Variants in FNDC3A observed in about 807,000 individuals in gnomAD.
FNDC3A encodes fibronectin type-III domain-containing protein 3A.
FNDC3A carries 32 observed loss-of-function variants against 148.9 expected under a neutral mutation model. The observed-to-expected ratio is 0.21, with a 90% CI of 0.16 to 0.29. The LOEUF (loss-of-function observed/expected upper bound fraction) is 0.29. Ranked by LOEUF, FNDC3A falls within the 10% of genes least tolerant of loss-of-function variation. FNDC3A has a pLI of 1.00. For synonymous variants in FNDC3A, 472 were observed against 473.6 expected (o/e 1.00, Z 0.04); for missense variants, 1,191 against 1,452.8 (o/e 0.82, Z 2.93).
At chr13:49,019,342 G>C (rs1873114113) in intron 2 of FNDC3A, among the ~76,000 whole-genome samples, 1 of 152,240 alleles carries the variant, frequency 6.6e-6, no homozygotes, top group Admixed American at 6.5e-5. Context: ...AGCGCAGTAG[G>C]CGGGTGGGAG....
intron 2 of FNDC3A, among the ~76,000 whole-genome samples, chr13:49,033,872 C>A (rs868421459): frequency 6.6e-6 from 1 of 151,748 alleles, no homozygotes; most frequent in African/African-American, 2.4e-5. Flanking sequence ...AACTATTAAC[C>A]TTTTACCATA....
At chr13:49,111,698 C>T (rs550633664) in intron 3 of FNDC3A, among the ~76,000 whole-genome samples, 6 of 150,444 alleles carry the variant, frequency 4.0e-5, no homozygotes, top group South Asian at 4.2e-4. Context: ...TGCACTCCAG[C>T]CTGGGCAACA....
At chr13:49,019,054 T>G (rs1301134704) in intron 2 of FNDC3A, among the ~76,000 whole-genome samples, 1 of 152,216 alleles carries the variant, frequency 6.6e-6, no homozygotes, top group East Asian at 1.9e-4. Context: ...GCTGTCTTTT[T>G]GTTTGTCTGT....
chr13:49,140,179 A>T (rs747099979), intron 7 of FNDC3A, among the ~76,000 whole-genome samples: 2 of 152,126 alleles, frequency 1.3e-5, no homozygotes, highest in Non-Finnish European at 2.9e-5. Context: ...CAAAAAACAA[A>T]TACAGATACT....
At chr13:49,076,903 C>A (rs1878151578) in intron 3 of FNDC3A, among the ~76,000 whole-genome samples, 1 of 152,220 alleles carries the variant, frequency 6.6e-6, no homozygotes, top group Non-Finnish European at 1.5e-5. Flanking sequence ...GGGACACATA[C>A]CATTTCTTAC....
intron 19 of FNDC3A, among the ~76,000 whole-genome samples, chr13:49,194,951 A>G (rs1886076719): frequency 6.6e-6 from 1 of 152,176 alleles, no homozygotes; most frequent in Admixed American, 6.5e-5. Flanking sequence ...CTTAACATTT[A>G]TAATTATACA....
intron 8 of FNDC3A, among the ~76,000 whole-genome samples, chr13:49,162,096 C>T (rs1227012530): frequency 6.6e-6 from 1 of 152,068 alleles, no homozygotes; most frequent in Non-Finnish European, 1.5e-5. Flanking sequence ...TGGGGTTGCT[C>T]TTCTCAAGGA....
intron 2 of FNDC3A, among the ~76,000 whole-genome samples, chr13:49,062,971 T>A (rs1877000207): frequency 1.3e-5 from 2 of 152,240 alleles, no homozygotes; most frequent in South Asian, 4.1e-4. Context: ...TCTTCATTTG[T>A]ACTTAATATC....
intron 2 of FNDC3A, among the ~76,000 whole-genome samples, chr13:49,068,366 AAAAT>A (rs1354731260): frequency 1.3e-5 from 2 of 151,870 alleles, no homozygotes; most frequent in Admixed American, 1.3e-4. Context: ...CCGTCTATAA[AAAAT>A]AAATTAATTA....
At chr13:48,980,984 A>C (rs1196751489) in intron 1 of FNDC3A, among the ~76,000 whole-genome samples, 1 of 152,184 alleles carries the variant, frequency 6.6e-6, no homozygotes, top group African/African-American at 2.4e-5. Flanking sequence ...AAACAAAATC[A>C]TGAAACTTAA....
upstream of FNDC3A, chr13:48,975,303 T>C (rs767574258): frequency 4.6e-5 from 7 of 152,238 alleles, no homozygotes; most frequent in Non-Finnish European, 7.3e-5. Flanking sequence ...TTGTAAGTCT[T>C]CGTGCTGTTG....
chr13:48,976,547 T>C (rs1354349387), intron 1 of FNDC3A: 2 of 152,052 alleles, frequency 1.3e-5, no homozygotes, highest in African/African-American at 2.4e-5. Context: ...GTCCCCCGCC[T>C]CCTCCCCGCG....
Position 49,017,975 on chromosome 13 carries a change from G to T in FNDC3A, c.99+11686G>T, listed in dbSNP as rs368616434. Among the ~76,000 whole-genome samples the T allele has an allele frequency of 2.4e-3, 361 of 152,250 alleles. 1 individual carries two copies. The highest frequency in any genetic ancestry group is 8.2e-3 in the African/African-American group (340 of 41,530). On this transcript the variant is annotated intron_variant, in intron 2 of 25. Transcript: ENST00000492622. ...AGAGTTTCTGCCGAGAGATCCGCTG[G>T]TAGTCTGATGGGCTTCCCTTTTTGG... is the stretch of plus-strand genomic sequence containing the variant.
intron 2 of FNDC3A, among the ~76,000 whole-genome samples, chr13:49,035,369 G>A (rs1381774801): frequency 6.6e-6 from 1 of 151,874 alleles, no homozygotes; most frequent in African/African-American, 2.4e-5. Context: ...GTGTATATGT[G>A]GGATAATACC....
At chr13:49,021,082 A>T (rs1365745597) in intron 2 of FNDC3A, among the ~76,000 whole-genome samples, 5 of 152,228 alleles carry the variant, frequency 3.3e-5, no homozygotes, top group Non-Finnish European at 7.3e-5. Flanking sequence ...AATGTTAGTA[A>T]TTTCTGATAT....
At chr13:49,060,929 C>T (rs187734036) in intron 2 of FNDC3A, among the ~76,000 whole-genome samples, 8 of 152,064 alleles carry the variant, frequency 5.3e-5, no homozygotes, top group Admixed American at 5.2e-4. Flanking sequence ...GTGATGATTG[C>T]ACAACATTGT....
intron 4 of FNDC3A, among the ~76,000 whole-genome samples, chr13:49,115,926 C>A (rs757677063): frequency 6.6e-6 from 1 of 152,224 alleles, no homozygotes; most frequent in African/African-American, 2.4e-5. Context: ...ATTTCCTTGA[C>A]ATCATGCTGC....
chr13:49,093,217 C>T (rs111760903), intron 3 of FNDC3A, among the ~76,000 whole-genome samples: 98 of 152,246 alleles, frequency 6.4e-4, no homozygotes, highest in African/African-American at 2.0e-3. Context: ...CTCTCCTCCC[C>T]GTAGCACTTA....
intron 2 of FNDC3A, among the ~76,000 whole-genome samples, chr13:49,016,719 G>T (rs1375103318): frequency 1.3e-5 from 2 of 151,996 alleles, no homozygotes; most frequent in African/African-American, 4.8e-5. Context: ...GATCTTTCCT[G>T]CTTCCTCTTG....
Sources: allele counts gnomAD v4.1 joint callset (sites outside exome capture counted in the v4.1 genomes callset), GRCh38; gene constraint gnomAD v4.1.1; transcripts MANE v1.5; gene names NCBI Gene and HGNC (gene_info 2026-07-23, HGNC 2026-07-21).